The following LRP1B variants were observed in gnomAD, a reference collection of about 807,000 sequenced individuals.
LRP1B encodes low-density lipoprotein receptor-related protein 1B.
LRP1B carries 217 observed loss-of-function variants against 556.6 expected under a neutral mutation model. The observed-to-expected ratio is 0.39, with a 90% CI of 0.35 to 0.44. The LOEUF (loss-of-function observed/expected upper bound fraction) is 0.44. LRP1B is among the 20% of genes least tolerant of loss of function. The probability of loss-of-function intolerance (pLI) is 1.00; values close to 1 mark genes in which losing one functional copy is unlikely to be tolerated. For missense variants in LRP1B, 5,053 were observed against 5,620.8 expected, an observed-to-expected ratio of 0.90 and a Z score of 3.23; for synonymous variants, 2,047 against 1,865.8, an observed-to-expected ratio of 1.10 and a Z score of -2.50.
At chr2:140,320,039 T>C (rs1680016728) in intron 82 of LRP1B, among the ~76,000 whole-genome samples, 1 of 152,180 alleles carries the variant, frequency 6.6e-6, no homozygotes, top group African/African-American at 2.4e-5. Flanking sequence ...CATATTTCCA[T>C]ACTTCTCAGA....
At chr2:141,560,612 A>G (rs1051815862) in intron 2 of LRP1B, among the ~76,000 whole-genome samples, 3 of 151,716 alleles carry the variant, frequency 2.0e-5, no homozygotes, top group Non-Finnish European at 4.4e-5. Context: ...CTGATGATAA[A>G]TTATTCTCTA....
chr2:140,480,446 G>C (rs1688183994), intron 59 of LRP1B, among the ~76,000 whole-genome samples: 1 of 151,958 alleles, frequency 6.6e-6, no homozygotes, highest in Admixed American at 6.6e-5. Flanking sequence ...TTTCCTTGTG[G>C]ATTTCCTAAC....
At chr2:141,239,288 C>A (rs300368) in intron 5 of LRP1B, among the ~76,000 whole-genome samples, 144,421 of 152,078 alleles carry the variant, frequency 0.95, 69,007 homozygotes, top group East Asian at 1. Flanking sequence ...GTCACTGAAG[C>A]CCTTGGCAAT....
At chr2:141,702,946 G>C (rs1219966273) in intron 2 of LRP1B, among the ~76,000 whole-genome samples, 2 of 151,798 alleles carry the variant, frequency 1.3e-5, no homozygotes, top group Non-Finnish European at 2.9e-5. Flanking sequence ...ATTTACATAA[G>C]TGAGCTCATT....
chr2:142,115,572 T>TAA (rs1219018341), intron 1 of LRP1B, among the ~76,000 whole-genome samples: 722 of 36,268 alleles, frequency 0.02, 99 homozygotes, highest in East Asian at 0.027. Context: ...GTAATATATA[T>TAA]TATATATGTA....
chr2:141,029,748 C>T (rs116827226), intron 11 of LRP1B, among the ~76,000 whole-genome samples: 115 of 152,196 alleles, frequency 7.6e-4, no homozygotes, highest in African/African-American at 2.7e-3. Context: ...GTCTCAATGT[C>T]TCATTTTCTA....
intron 20 of LRP1B, among the ~76,000 whole-genome samples, chr2:140,939,460 A>G (rs1695328944): frequency 6.7e-6 from 1 of 149,116 alleles, no homozygotes; most frequent in Admixed American, 6.7e-5. Context: ...AACTTGTTAA[A>G]GATTTATAAC....
chr2:140,830,555 A>G (rs1326809269), intron 31 of LRP1B, among the ~76,000 whole-genome samples: 5 of 152,212 alleles, frequency 3.3e-5, no homozygotes. Flanking sequence ...ACATCCCTTT[A>G]TGATAAAAAG....
In LRP1B at chr2:140,988,595, T is replaced by A. The variant is rs554019481; in HGVS notation, c.2770+937A>T. Among the ~76,000 whole-genome samples, 18 of 152,130 alleles carry A rather than the reference T, an allele frequency of 1.2e-4. No homozygotes were observed. In the South Asian group the frequency reaches 3.7e-3, roughly 32 times the overall value. ...CAAGGAAATCAAAAGTGCAGAGAGG[T>A]ATGTCTTTCCAAGAAAAAAGCTGGT... On this transcript the variant is annotated intron_variant, in intron 17 of 90. Coordinates refer to ENST00000389484, the MANE Select transcript of LRP1B (RefSeq NM_018557.3).
At chr2:140,778,898 TA>T (rs1279899575) in intron 32 of LRP1B, among the ~76,000 whole-genome samples, 1 of 151,998 alleles carries the variant, frequency 6.6e-6, no homozygotes, top group African/African-American at 2.4e-5. Context: ...GCCACTGTCC[TA>T]ATTGTTTTAA....
intron 3 of LRP1B, among the ~76,000 whole-genome samples, chr2:141,386,410 C>T (rs1177558572): frequency 6.6e-6 from 1 of 152,048 alleles, no homozygotes; most frequent in African/African-American, 2.4e-5. Flanking sequence ...CCAATTAAAA[C>T]ACAAAGATAG....
intron 6 of LRP1B, among the ~76,000 whole-genome samples, chr2:141,197,654 A>T (rs1033049709): frequency 6.6e-6 from 1 of 152,114 alleles, no homozygotes; most frequent in African/African-American, 2.4e-5. Context: ...TGCTGTATAG[A>T]TAAAGGGGAA....
chr2:142,037,216 C>T (rs1027233723), intron 1 of LRP1B, among the ~76,000 whole-genome samples: 1 of 151,608 alleles, frequency 6.6e-6, no homozygotes, highest in African/African-American at 2.4e-5. Flanking sequence ...GATTCACTTC[C>T]ATGCTGCATT....
intron 14 of LRP1B, among the ~76,000 whole-genome samples, chr2:141,008,509 G>T (rs1169196446): frequency 6.6e-6 from 1 of 151,238 alleles, no homozygotes; most frequent in African/African-American, 2.4e-5. Flanking sequence ...AATAAAATTA[G>T]ATCGAAAAAG....
intron 2 of LRP1B, among the ~76,000 whole-genome samples, chr2:141,678,554 C>A (rs164978): frequency 1.3e-5 from 2 of 151,782 alleles, no homozygotes; most frequent in South Asian, 2.1e-4. Flanking sequence ...TTTGTCAATG[C>A]GGATAGAAGA....
intron 11 of LRP1B, among the ~76,000 whole-genome samples, chr2:141,040,411 A>G (rs1698663165): frequency 1.3e-5 from 2 of 152,082 alleles, no homozygotes; most frequent in South Asian, 4.1e-4. Context: ...AAATCCTGCC[A>G]AAGTTATACA....
At chr2:140,454,364 G>A (rs766136470) in intron 62 of LRP1B, among the ~76,000 whole-genome samples, 9 of 151,676 alleles carry the variant, frequency 5.9e-5, no homozygotes, top group African/African-American at 2.2e-4. Context: ...TTGGCCAGGC[G>A]GCTCTCCAAC....
chr2:141,308,548 G>A (rs1686687357), intron 3 of LRP1B, among the ~76,000 whole-genome samples: 1 of 152,036 alleles, frequency 6.6e-6, no homozygotes, highest in South Asian at 2.1e-4. Flanking sequence ...AATGGATTCA[G>A]GGATTTTATA....
chr2:142,109,418 C>T (rs1229344936), intron 1 of LRP1B, among the ~76,000 whole-genome samples: 2 of 152,104 alleles, frequency 1.3e-5, no homozygotes, highest in Non-Finnish European at 2.9e-5. Context: ...CTTGAACACC[C>T]TAGAAATGTT....
Sources: gnomAD v4.1 joint callset for allele counts (sites outside exome capture counted in the v4.1 genomes callset) on GRCh38, gnomAD v4.1.1 for gene constraint, MANE v1.5 for transcripts, NCBI Gene and HGNC (gene_info 2026-07-23, HGNC 2026-07-21) for gene names.